MCC: variants seen among roughly 807,000 people sequenced by gnomAD.
The protein encoded by MCC is colorectal mutant cancer protein.
In MCC, 90 loss-of-function variants were observed where a neutral mutation model predicts 116.2. The ratio of observed to expected loss-of-function variants is 0.77; its 90% CI spans 0.65 to 0.92. The LOEUF is 0.92. MCC is among the 40% of genes least tolerant of loss of function. The pLI is 0.00. For synonymous variants in MCC, 578 were observed against 510.5 expected (o/e 1.13, Z -1.78); for missense variants, 1,516 against 1,312.2 (o/e 1.16, Z -2.40).
intron 1 of MCC, among the ~76,000 whole-genome samples, chr5:113,474,604 G>A (rs1046544920): frequency 2.0e-5 from 3 of 152,168 alleles, no homozygotes; most frequent in African/African-American, 7.2e-5. Context: ...AGAGCTGCCT[G>A]CTCAGTTCTG....
intron 3 of MCC, among the ~76,000 whole-genome samples, chr5:113,299,406 T>C (rs1766799403): frequency 6.7e-6 from 1 of 148,982 alleles, no homozygotes; most frequent in African/African-American, 2.4e-5. Flanking sequence ...TAAAATTCCA[T>C]GAAATGATTT....
intron 5 of MCC, among the ~76,000 whole-genome samples, chr5:113,130,605 G>T (rs1758364839): frequency 1.3e-5 from 2 of 152,126 alleles, no homozygotes; most frequent in South Asian, 4.1e-4. Flanking sequence ...GAGGTGTCTG[G>T]GTCATGGGAG....
chr5:113,129,085 T>A (rs976659909), intron 5 of MCC, among the ~76,000 whole-genome samples: 1 of 152,158 alleles, frequency 6.6e-6, no homozygotes, highest in Non-Finnish European at 1.5e-5. Flanking sequence ...AGGGGGCATT[T>A]TGTAGCAGAC....
At chr5:113,400,260 T>C (rs1166011178) in intron 1 of MCC, among the ~76,000 whole-genome samples, 2 of 151,266 alleles carry the variant, frequency 1.3e-5, no homozygotes, top group African/African-American at 2.4e-5. Context: ...GTAGCTGGAA[T>C]TGCAGGCGCC....
intron 3 of MCC, among the ~76,000 whole-genome samples, chr5:113,199,861 C>G (rs1295613862): frequency 6.6e-6 from 1 of 152,232 alleles, no homozygotes; most frequent in African/African-American, 2.4e-5. Flanking sequence ...CCTGAACTTT[C>G]TGAAGACAAC....
intron 5 of MCC, among the ~76,000 whole-genome samples, chr5:113,136,329 G>C (rs1221079262): frequency 2.0e-5 from 3 of 152,104 alleles, no homozygotes; most frequent in Admixed American, 6.6e-5. Context: ...GATGTAAACA[G>C]AGATCTGAAA....
chr5:113,174,874 C>T (rs577260708), intron 3 of MCC, among the ~76,000 whole-genome samples: 1 of 152,032 alleles, frequency 6.6e-6, no homozygotes, highest in African/African-American at 2.4e-5. Flanking sequence ...CAGGAGTGAG[C>T]CAATATGCCC....
chr5:113,175,726 T>C (rs988204712), intron 3 of MCC, among the ~76,000 whole-genome samples: 1 of 152,186 alleles, frequency 6.6e-6, no homozygotes, highest in African/African-American at 2.4e-5. Flanking sequence ...AACCACATAA[T>C]ATTCCTTATA....
chr5:113,077,799 C>G (rs1479100519), intron 11 of MCC, among the ~76,000 whole-genome samples: 2 of 152,070 alleles, frequency 1.3e-5, no homozygotes, highest in Non-Finnish European at 2.9e-5. Context: ...CAAGAAAAAA[C>G]TAAGATCAGA....
chr5:113,236,901 G>A (rs892086568), intron 3 of MCC, among the ~76,000 whole-genome samples: 1 of 152,114 alleles, frequency 6.6e-6, no homozygotes, highest in Non-Finnish European at 1.5e-5. Context: ...TTTCTTCCTC[G>A]ACTGAATTTA....
Position 113,197,003 on chromosome 5 carries a change from T to C in MCC, c.628-45581A>G, listed in dbSNP as rs372767888. 1.8e-3 allele frequency among the ~76,000 whole-genome samples: 267 copies of C among 152,318 alleles called. 4 individuals are homozygous for C. The highest frequency in any genetic ancestry group is 5.7e-3 in the African/African-American group (236 of 41,566). ...ATAAAAGATGCAGTGTCTGCCCTCATGGAGCTTAAAACCTGGTTCTGGAAA... is the reference window on the plus strand; with the variant it reads ...ATAAAAGATGCAGTGTCTGCCCTCACGGAGCTTAAAACCTGGTTCTGGAAA... On this transcript the variant is annotated intron_variant, in intron 3 of 18. Transcript: ENST00000408903.
At chr5:113,158,803 C>T (rs768599110) in intron 3 of MCC, among the ~76,000 whole-genome samples, 5 of 152,120 alleles carry the variant, frequency 3.3e-5, no homozygotes, top group Admixed American at 6.5e-5. Flanking sequence ...CTAACAGTAC[C>T]GGAGATAATA....
intron 3 of MCC, among the ~76,000 whole-genome samples, chr5:113,306,252 A>G (rs116404060): frequency 4.4e-4 from 67 of 152,266 alleles, no homozygotes; most frequent in East Asian, 7.7e-4. Flanking sequence ...TATGTTTTCA[A>G]TTCTCTCGGG....
intron 3 of MCC, among the ~76,000 whole-genome samples, chr5:113,193,275 T>C (rs1762234718): frequency 1.3e-5 from 2 of 152,178 alleles, no homozygotes; most frequent in African/African-American, 4.8e-5. Flanking sequence ...CATCTCAAGA[T>C]TCTTAATCGC....
chr5:113,461,458 T>C (rs1771738377), intron 1 of MCC, among the ~76,000 whole-genome samples: 1 of 151,990 alleles, frequency 6.6e-6, no homozygotes, highest in South Asian at 2.1e-4. Context: ...AACTCCAGAA[T>C]CCATTGTATA....
intron 3 of MCC, among the ~76,000 whole-genome samples, chr5:113,271,893 C>G (rs1445010503): frequency 1.3e-5 from 2 of 152,088 alleles, no homozygotes; most frequent in Admixed American, 1.3e-4. Context: ...CAACAATGAG[C>G]CAAATAAATT....
At chr5:113,197,448 C>G (rs2150316807) in intron 3 of MCC, among the ~76,000 whole-genome samples, 1 of 152,174 alleles carries the variant, frequency 6.6e-6, no homozygotes, top group South Asian at 2.1e-4. Flanking sequence ...TCTGAACACA[C>G]TAAAAACCAC....
chr5:113,296,985 CTG>C (rs1387072769), intron 3 of MCC, among the ~76,000 whole-genome samples: 2 of 152,152 alleles, frequency 1.3e-5, no homozygotes, highest in Admixed American at 1.3e-4. Flanking sequence ...GAAGCAGTGT[CTG>C]TAGATTCTAC....
chr5:113,133,924 C>T (rs1453464771), intron 5 of MCC, among the ~76,000 whole-genome samples: 1 of 152,174 alleles, frequency 6.6e-6, no homozygotes, highest in Non-Finnish European at 1.5e-5. Context: ...AGATCTTTCG[C>T]TAATCTTTTG....
Sources: allele counts gnomAD v4.1 joint callset (sites outside exome capture counted in the v4.1 genomes callset), GRCh38; gene constraint gnomAD v4.1.1; transcripts MANE v1.5; gene names NCBI Gene and HGNC (gene_info 2026-07-23, HGNC 2026-07-21).